AKAP6: variants seen among roughly 807,000 people sequenced by gnomAD.
AKAP6 encodes A-kinase anchoring protein 6, also known as A-kinase anchor protein 6.
A neutral mutation model predicts 188.5 loss-of-function variants in AKAP6; 58 were observed. The ratio of observed to expected loss-of-function variants is 0.31; its 90% CI spans 0.25 to 0.38. AKAP6 has a LOEUF of 0.38. Among genes scored for constraint, AKAP6 ranks in the 10% least tolerant of loss-of-function variants. AKAP6 has a pLI of 1.00. For synonymous variants in AKAP6, 989 were observed against 998.6 expected (o/e 0.99, Z 0.18); for missense variants, 2,710 against 2,740.0 (o/e 0.99, Z 0.24).
At chr14:32,396,373 C>T (rs1171070139) in intron 1 of AKAP6, among the ~76,000 whole-genome samples, 1 of 152,158 alleles carries the variant, frequency 6.6e-6, no homozygotes, top group African/African-American at 2.4e-5. Flanking sequence ...TTGGGGTTGT[C>T]TACCTATCAG....
chr14:32,525,092 A>G (rs1405132752), intron 2 of AKAP6, among the ~76,000 whole-genome samples: 1 of 152,220 alleles, frequency 6.6e-6, no homozygotes, highest in Non-Finnish European at 1.5e-5. Flanking sequence ...ATTGAGAGTC[A>G]AGACCACAGC....
At chr14:32,534,978 C>CA (rs1882603291) in intron 2 of AKAP6, among the ~76,000 whole-genome samples, 1 of 86,560 alleles carries the variant, frequency 1.2e-5, no homozygotes, top group Non-Finnish European at 2.5e-5. Flanking sequence ...AAAAAAAAAA[C>CA]AAAAACAAAC....
At position 32,773,678 on chromosome 14, in the gene AKAP6, T is replaced by A. The variant is rs377203623; in HGVS notation, c.3373T>A (p.Ser1125Thr). The A allele has an allele frequency of 1.1e-5, 17 of 1,613,480 alleles. No homozygotes were observed. In the African/African-American group the frequency reaches 2.3e-4, roughly 22 times the overall value. Residue 1125 changes from serine (S) to threonine (T), a missense_variant and splice_region_variant, in exon 12 of 14, where the codon TCC becomes ACC. By Grantham distance (58) the Ser-to-Thr change is moderately conservative. Around this residue, in one of 2 missense-constraint regions of AKAP6, gnomAD observed 2,473 missense variants for 2,426.1 expected, o/e 1.02. Coordinates refer to ENST00000280979, the MANE Select transcript of AKAP6 (RefSeq NM_004274.5). ...NTEKQLQYFK[S>T]LCREIKQRRR... ...AGATTGGTTTCTCTCTATGTTGCAG[T>A]CCCTCTGTCGTGAAATCAAGCAACG...
At chr14:32,501,437 A>G (rs1250292719) in intron 2 of AKAP6, among the ~76,000 whole-genome samples, 1 of 152,130 alleles carries the variant, frequency 6.6e-6, no homozygotes, top group East Asian at 1.9e-4. Flanking sequence ...AAAATATCTC[A>G]AAGGAAGTTT....
Position 32,836,360 on chromosome 14 carries a change from G to A in AKAP6, c.*6555G>A, listed in dbSNP as rs368400920. On this transcript the variant is annotated 3_prime_UTR_variant, in exon 14 of 14. Transcript: ENST00000280979. Reference sequence around the variant, plus strand: ...AAGGGGCAGTGAACAAGCTCCCTTGGGCCCCTTTTACGAAAGCACTAATTC... The same window carrying A: ...AAGGGGCAGTGAACAAGCTCCCTTGAGCCCCTTTTACGAAAGCACTAATTC... 6.6e-5 allele frequency: 10 copies of A among 152,108 alleles called. No individual in the cohort carries two copies. In the East Asian group the frequency reaches 9.7e-4, roughly 15 times the overall value. 9.4% of individuals were successfully genotyped at this position (152,108 alleles called of 1,614,324 possible).
chr14:32,570,587 A>G (rs886991940), intron 4 of AKAP6, among the ~76,000 whole-genome samples: 5 of 152,182 alleles, frequency 3.3e-5, no homozygotes, highest in Non-Finnish European at 5.9e-5. Flanking sequence ...ATCACTTATC[A>G]AGCTCTTGTT....
intron 11 of AKAP6, among the ~76,000 whole-genome samples, chr14:32,767,714 C>T (rs2032761823): frequency 6.6e-6 from 1 of 152,144 alleles, no homozygotes; most frequent in Non-Finnish European, 1.5e-5. Flanking sequence ...ACCTTTCTTA[C>T]CTTCAGCAAC....
At chr14:32,471,159 A>G (rs1187639267) in intron 2 of AKAP6, among the ~76,000 whole-genome samples, 1 of 152,242 alleles carries the variant, frequency 6.6e-6, no homozygotes, top group Non-Finnish European at 1.5e-5. Context: ...AACATTTCAA[A>G]TTAAAACTTC....
chr14:32,732,605 T>C lies in AKAP6; in HGVS notation c.3147+5T>C, dbSNP rs769218186. ...GAAAAATGGGAACTGCTTGGGGTAT[T>C]TGCATTTTTATTACTGTTTGTAGGT... On this transcript the variant is annotated splice_donor_5th_base_variant and intron_variant, in intron 10 of 13. Transcript: ENST00000280979. 5.0e-6 allele frequency: 8 copies of C among 1,613,154 alleles called. No homozygotes were observed. The African/African-American group carries it at 8.0e-5, about 16-fold the overall frequency.
At chr14:32,718,413 A>C in intron 9 of AKAP6, 2 of 750,986 alleles carry the variant, frequency 2.7e-6, no homozygotes, top group Non-Finnish European at 3.2e-6. Flanking sequence ...AAAAAGGCCC[A>C]AGGGGTCAGG....
At chr14:32,472,903 A>G (rs1357784541) in intron 2 of AKAP6, among the ~76,000 whole-genome samples, 1 of 151,618 alleles carries the variant, frequency 6.6e-6, no homozygotes, top group African/African-American at 2.4e-5. Context: ...GGAAAAAAAA[A>G]GAGAAAATGA....
rs779142022 is a variant in AKAP6 at position 32,387,799 on chromosome 14, GT to G, written c.-34-45646del. Among the ~76,000 whole-genome samples the G allele has an allele frequency of 6.8e-3, 935 of 137,666 alleles. 4 individuals carry two copies. The highest frequency in any genetic ancestry group is 0.02 in the African/African-American group (749 of 38,002). 90.3% of individuals were successfully genotyped at this position (137,666 alleles called of 152,430 possible). On this transcript the variant is annotated intron_variant, in intron 1 of 13. Coordinates refer to ENST00000280979, the MANE Select transcript of AKAP6 (RefSeq NM_004274.5). ...TGTTCATCAGGGCTATTGGTCTGTAGTTTTTTTTTTTTTTTAGTTATGTCTT... is the reference window on the plus strand; with the variant it reads ...TGTTCATCAGGGCTATTGGTCTGTAGTTTTTTTTTTTTTTAGTTATGTCTT...
intron 1 of AKAP6, among the ~76,000 whole-genome samples, chr14:32,358,910 A>G (rs1217611493): frequency 4.6e-5 from 7 of 152,214 alleles, no homozygotes; most frequent in Non-Finnish European, 7.3e-5. Flanking sequence ...AAAACGCTGC[A>G]TCAGAGCAGA....
chr14:32,493,357 A>G (rs1880141155), intron 2 of AKAP6, among the ~76,000 whole-genome samples: 1 of 151,704 alleles, frequency 6.6e-6, no homozygotes, highest in Non-Finnish European at 1.5e-5. Flanking sequence ...GGCTTGTACC[A>G]CTACACCTGG....
At chr14:32,418,604 T>C (rs144608054) in intron 1 of AKAP6, among the ~76,000 whole-genome samples, 33 of 152,304 alleles carry the variant, frequency 2.2e-4, no homozygotes, top group African/African-American at 7.7e-4. Context: ...AAAAAAATCT[T>C]GTTTCTGTCT....
chr14:32,632,946 G>A lies in AKAP6; in HGVS notation c.2730+32154G>A, dbSNP rs192116959. Reference sequence around the variant, plus strand: ...TTTGTATCACATATATTTTGTATGAGACTGGAATAATTTATCGGATCAGCA... The same window carrying A: ...TTTGTATCACATATATTTTGTATGAAACTGGAATAATTTATCGGATCAGCA... On this transcript the variant is annotated intron_variant, in intron 7 of 13. Coordinates refer to ENST00000280979, the MANE Select transcript of AKAP6 (RefSeq NM_004274.5). Among the ~76,000 whole-genome samples, 492 of 152,116 alleles carry A rather than the reference G, an allele frequency of 3.2e-3. 2 individuals are homozygous for A. The highest frequency in any genetic ancestry group is 0.011 in the African/African-American group (447 of 41,512).
intron 3 of AKAP6, among the ~76,000 whole-genome samples, chr14:32,541,133 A>C (rs914567103): frequency 1.3e-5 from 2 of 152,146 alleles, no homozygotes; most frequent in African/African-American, 4.8e-5. Context: ...TCACTGGTTA[A>C]GATGGTATTT....
intron 1 of AKAP6, among the ~76,000 whole-genome samples, chr14:32,379,741 G>A (rs1442974076): frequency 2.0e-5 from 3 of 152,114 alleles, no homozygotes; most frequent in Non-Finnish European, 4.4e-5. Flanking sequence ...ACTGAGCTCA[G>A]CAACTCCTGT....
intron 5 of AKAP6, among the ~76,000 whole-genome samples, chr14:32,598,808 C>T (rs953960868): frequency 1.6e-4 from 24 of 151,920 alleles, no homozygotes; most frequent in Admixed American, 7.9e-4. Flanking sequence ...TGAAAAATGC[C>T]GGATTGTGCT....
Sources: gnomAD v4.1 joint callset for allele counts (sites outside exome capture counted in the v4.1 genomes callset) on GRCh38, gnomAD v4.1.1 for gene constraint, gnomAD v4.1.1 regional missense constraint, MANE v1.5 for transcripts, NCBI Gene and HGNC (gene_info 2026-07-23, HGNC 2026-07-21) for gene names.